TSHZ3: variants seen among roughly 807,000 people sequenced by gnomAD.
The protein encoded by TSHZ3 is teashirt homolog 3.
Under a neutral mutation model 64.5 loss-of-function variants are expected in TSHZ3, and 10 were observed. The ratio of observed to expected loss-of-function variants is 0.16; its 90% CI spans 0.10 to 0.26. The LOEUF is 0.26. TSHZ3 is among the 10% of genes least tolerant of loss of function. The pLI is 1.00. For synonymous variants in TSHZ3, 608 were observed against 593.1 expected (o/e 1.03, Z -0.36); for missense variants, 1,242 against 1,421.7 (o/e 0.87, Z 2.03).
chr19:31,242,994 A>G (rs1292738844), intron 1 of TSHZ3, among the ~76,000 whole-genome samples: 2 of 151,698 alleles, frequency 1.3e-5, no homozygotes, highest in Admixed American at 6.6e-5. Context: ...CAGTCCACCA[A>G]TTCACCCTCC....
intron 5 of TSHZ3, among the ~76,000 whole-genome samples, chr19:31,182,482 A>T (rs4804951): frequency 6.6e-6 from 1 of 151,854 alleles, no homozygotes; most frequent in Non-Finnish European, 1.5e-5. Context: ...CAAAATGCAC[A>T]GCCCGTGATG....
At chr19:31,242,719 T>C in intron 2 of TSHZ3, among the ~76,000 whole-genome samples, 1 of 151,136 alleles carries the variant, frequency 6.6e-6, no homozygotes, top group East Asian at 2.0e-4. Flanking sequence ...TCTGGAACTC[T>C]GATGTCCAAA....
intron 4 of TSHZ3, among the ~76,000 whole-genome samples, chr19:31,214,432 T>C (rs77243284): frequency 0.04 from 6,029 of 152,270 alleles, 398 homozygotes; most frequent in African/African-American, 0.14. Flanking sequence ...CCATAGGAAG[T>C]GAGCTGAGTG....
intron 1 of TSHZ3, among the ~76,000 whole-genome samples, chr19:31,328,152 T>C (rs761733132): frequency 2.0e-5 from 3 of 152,236 alleles, no homozygotes; most frequent in Non-Finnish European, 4.4e-5. Context: ...AGAAGAAATA[T>C]AACTTTTGCC....
chr19:31,267,882 G>C (rs1976075797), intron 1 of TSHZ3, among the ~76,000 whole-genome samples: 1 of 152,214 alleles, frequency 6.6e-6, no homozygotes, highest in Non-Finnish European at 1.5e-5. Context: ...TGAAGGTTGG[G>C]GTCATCTGTT....
chr19:31,336,353 T>C (rs377669791), intron 1 of TSHZ3, among the ~76,000 whole-genome samples: 97 of 152,304 alleles, frequency 6.4e-4, no homozygotes, highest in Middle Eastern at 3.4e-3. Flanking sequence ...TTTCAGAATG[T>C]GACGCCAGGT....
intron 5 of TSHZ3, among the ~76,000 whole-genome samples, chr19:31,193,634 T>C (rs1974944836): frequency 6.6e-6 from 1 of 152,184 alleles, no homozygotes; most frequent in African/African-American, 2.4e-5. Flanking sequence ...TAGGTAACAT[T>C]GTGAGAATCA....
chr19:31,314,149 T>C (rs779625479), intron 1 of TSHZ3, among the ~76,000 whole-genome samples: 1 of 152,166 alleles, frequency 6.6e-6, no homozygotes, highest in Non-Finnish European at 1.5e-5. Context: ...CCTTGTCCCC[T>C]AGACAACCAG....
rs532641285 is a variant in TSHZ3 at position 31,169,501 on chromosome 19, G to C, written n.810-13084C>G. 5.3e-5 allele frequency among the ~76,000 whole-genome samples: 8 copies of C among 152,278 alleles called. No individual in the cohort carries two copies. In the South Asian group the frequency reaches 1.7e-3, roughly 32 times the overall value. On this transcript the variant is annotated intron_variant and non_coding_transcript_variant, in intron 5 of 6. Coordinates refer to the TSHZ3 transcript ENST00000651361. ...TTTAATTCAGGGTTACTGGTACAGG[G>C]TTCCAGCTGGGGAAGATGAAAGGAT...
intron 1 of TSHZ3, among the ~76,000 whole-genome samples, chr19:31,256,572 C>T (rs1336623421): frequency 6.6e-6 from 1 of 152,206 alleles, no homozygotes; most frequent in African/African-American, 2.4e-5. Flanking sequence ...CAAACATGTA[C>T]AGAGTATGTT....
At chr19:31,306,240 G>A (rs546958924) in intron 1 of TSHZ3, among the ~76,000 whole-genome samples, 6 of 152,288 alleles carry the variant, frequency 3.9e-5, no homozygotes, top group South Asian at 4.1e-4. Flanking sequence ...GTGACGCGGC[G>A]GGCTGGGCTG....
downstream of TSHZ3, among the ~76,000 whole-genome samples, chr19:31,273,010 T>C (rs1227434338): frequency 2.6e-5 from 4 of 151,912 alleles, no homozygotes; most frequent in Non-Finnish European, 5.9e-5. Flanking sequence ...AGACGCGGAG[T>C]GCGACTTTAC....
intron 1 of TSHZ3, among the ~76,000 whole-genome samples, chr19:31,281,838 C>T (rs761099993): frequency 1.3e-5 from 2 of 152,230 alleles, no homozygotes; most frequent in Non-Finnish European, 2.9e-5. Flanking sequence ...ACTCAAAACT[C>T]CAATGGAGTG....
Position 31,334,352 on chromosome 19 carries a change from G to GA in TSHZ3, c.40+14827dup, listed in dbSNP as rs1917181291. 2.0e-5 allele frequency among the ~76,000 whole-genome samples: 3 copies of GA among 152,200 alleles called. No homozygotes were observed. The South Asian group carries it at 6.2e-4, about 31-fold the overall frequency. ...ATGGAATGGGAACATTTCACCACAT[G>GA]AAAACCACTGATAACCCATCTTCTC... On this transcript the variant is annotated intron_variant, in intron 1 of 1. Transcript: ENST00000240587.
rs768134476 is a variant in TSHZ3, at chr19:31,279,348, T to TGCC, written c.442_444dup (p.Gly148dup). On this transcript the variant is annotated inframe_insertion, in exon 2 of 2. Transcript: ENST00000240587. The surrounding 1 kb of genome is among the most constrained non-coding windows in gnomAD (Gnocchi z 6.4). Reference sequence around the variant, plus strand: ...CTGCTGCTACTGCTGCTGCTGCTGCTGCCGTTGTTCTTCTCCGAGGAGGGC... The same window carrying TGCC: ...CTGCTGCTACTGCTGCTGCTGCTGCTGCCGCCGTTGTTCTTCTCCGAGGAGGGC... The TGCC allele has an allele frequency of 1.9e-6, 3 of 1,614,006 alleles. No homozygotes were observed. The highest frequency in any genetic ancestry group is 2.5e-6 in the Non-Finnish European group (3 of 1,180,004).
In TSHZ3 at chr19:31,268,847, G is replaced by A. The variant is rs558292005; in HGVS notation, n.64-25972C>T. ...GTCTCACCTTTACGGCTGCCTCCCC[G>A]GGCAAATCCATCCATGTGCCATTTC... On this transcript the variant is annotated intron_variant and non_coding_transcript_variant, in intron 1 of 6. Transcript: ENST00000651361. 4.6e-4 allele frequency among the ~76,000 whole-genome samples: 70 copies of A among 152,178 alleles called. 1 individual carries two copies. The highest frequency in any genetic ancestry group is 8.3e-4 in the South Asian group (4 of 4,824).
intron 6 of TSHZ3, among the ~76,000 whole-genome samples, chr19:31,156,298 G>A (rs2145098105): frequency 6.6e-6 from 1 of 152,332 alleles, no homozygotes; most frequent in African/African-American, 2.4e-5. Context: ...ACAGTTAGGA[G>A]CAGACAGAGA....
chr19:31,197,282 A>G (rs1275688667), intron 5 of TSHZ3, among the ~76,000 whole-genome samples: 1 of 151,970 alleles, frequency 6.6e-6, no homozygotes, highest in Non-Finnish European at 1.5e-5. Flanking sequence ...CACAACTTAT[A>G]AAATTTGTGA....
intron 4 of TSHZ3, among the ~76,000 whole-genome samples, chr19:31,223,991 G>A (rs949875077): frequency 2.6e-5 from 4 of 152,178 alleles, no homozygotes; most frequent in Non-Finnish European, 2.9e-5. Flanking sequence ...AGATGCACTC[G>A]GCAACCAGGC....
Sources: gnomAD v4.1 joint callset for allele counts (sites outside exome capture counted in the v4.1 genomes callset) on GRCh38, gnomAD v4.1.1 for gene constraint, Gnocchi (gnomAD v3.1) non-coding constraint, MANE v1.5 for transcripts, NCBI Gene and HGNC (gene_info 2026-07-23, HGNC 2026-07-21) for gene names.